Variants in GRIK2 observed in about 807,000 individuals in gnomAD.
The protein encoded by GRIK2 is glutamate receptor ionotropic, kainate 2.
A neutral mutation model predicts 100.3 loss-of-function variants in GRIK2; 32 were observed. The observed-to-expected ratio is 0.32, with a 90% confidence interval of 0.24 to 0.43. The LOEUF is 0.43. GRIK2 is among the 20% of genes least tolerant of loss of function. The pLI is 1.00. For missense variants in GRIK2, 843 were observed against 1,114.9 expected (o/e 0.76, Z 3.47); for synonymous variants, 417 against 389.4 (o/e 1.07, Z -0.83).
intron 2 of GRIK2, among the ~76,000 whole-genome samples, chr6:101,614,360 C>G (rs971772960): frequency 6.6e-6 from 1 of 151,634 alleles, no homozygotes; most frequent in Non-Finnish European, 1.5e-5. Context: ...AATAAACACT[C>G]ATAAGCACTT....
intron 2 of GRIK2, among the ~76,000 whole-genome samples, chr6:101,594,897 T>C (rs554279201): frequency 1.3e-4 from 19 of 151,680 alleles, no homozygotes; most frequent in African/African-American, 2.4e-5. Flanking sequence ...TTTTTTCTTA[T>C]GTTGTTTTAT....
At chr6:101,648,159 A>G (rs1781616704) in intron 4 of GRIK2, among the ~76,000 whole-genome samples, 1 of 152,062 alleles carries the variant, frequency 6.6e-6, no homozygotes. Context: ...GACTTGCAGT[A>G]AAGATATGCT....
At chr6:101,823,035 C>T (rs1366986191) in intron 10 of GRIK2, among the ~76,000 whole-genome samples, 1 of 152,118 alleles carries the variant, frequency 6.6e-6, no homozygotes, top group Non-Finnish European at 1.5e-5. Flanking sequence ...GATGTGCCTC[C>T]AAATATCTAA....
intron 11 of GRIK2, among the ~76,000 whole-genome samples, chr6:101,869,439 A>C (rs2128447548): frequency 6.6e-6 from 1 of 151,904 alleles, no homozygotes. Context: ...TTTCCTGATC[A>C]CATCTAATTG....
At chr6:101,857,308 AAAC>A (rs1206284813) in intron 10 of GRIK2, among the ~76,000 whole-genome samples, 1 of 152,208 alleles carries the variant, frequency 6.6e-6, no homozygotes. Flanking sequence ...TGAAGATACG[AAAC>A]AACGTGCCAA....
intron 3 of GRIK2, among the ~76,000 whole-genome samples, 169 bp from the exon 4 acceptor site, chr6:101,626,211 T>C (rs560641824): frequency 6.6e-6 from 1 of 152,270 alleles, no homozygotes; most frequent in African/African-American, 2.4e-5. Flanking sequence ...AAACGGAAAG[T>C]GTTCAGAGTC....
chr6:101,565,531 T>G (rs997337140), intron 2 of GRIK2, among the ~76,000 whole-genome samples: 2 of 152,126 alleles, frequency 1.3e-5, no homozygotes, highest in African/African-American at 4.8e-5. Context: ...ATGTATTCAC[T>G]CCACTTCCTT....
intron 14 of GRIK2, among the ~76,000 whole-genome samples, chr6:101,934,647 T>C (rs530274807): frequency 6.6e-6 from 1 of 152,048 alleles, no homozygotes; most frequent in African/African-American, 2.4e-5. Context: ...TAAAAACATA[T>C]ACTATTCATT....
At chr6:101,776,715 A>G (rs1778769596) in intron 7 of GRIK2, among the ~76,000 whole-genome samples, 1 of 152,188 alleles carries the variant, frequency 6.6e-6, no homozygotes, top group African/African-American at 2.4e-5. Context: ...TCAGTAACTT[A>G]TATGTACTCA....
chr6:101,845,621 A>T (rs1022190359), intron 10 of GRIK2, among the ~76,000 whole-genome samples: 1 of 152,206 alleles, frequency 6.6e-6, no homozygotes, highest in African/African-American at 2.4e-5. Flanking sequence ...TGCTATGCAC[A>T]TTGGTTCACA....
intron 2 of GRIK2, among the ~76,000 whole-genome samples, chr6:101,502,115 C>G (rs1224908216): frequency 1.3e-5 from 2 of 152,092 alleles, no homozygotes; most frequent in Admixed American, 1.3e-4. Context: ...GGAAATATTA[C>G]ACGCTTGTAA....
chr6:101,399,903 A>G (rs1775194725), intron 2 of GRIK2, among the ~76,000 whole-genome samples: 1 of 152,218 alleles, frequency 6.6e-6, no homozygotes, highest in Non-Finnish European at 1.5e-5. Flanking sequence ...CTTTTTCCAG[A>G]GAGCCTTTTC....
At chr6:102,026,843 G>T (rs1395832617) in intron 14 of GRIK2, among the ~76,000 whole-genome samples, 1 of 151,270 alleles carries the variant, frequency 6.6e-6, no homozygotes, top group East Asian at 2.0e-4. Context: ...ACTAACAACT[G>T]AATGCTTTTC....
chr6:101,430,166 G>A (rs1344934902), intron 2 of GRIK2, among the ~76,000 whole-genome samples: 6 of 152,172 alleles, frequency 3.9e-5, no homozygotes, highest in African/African-American at 1.4e-4. Context: ...CTGAGTGACC[G>A]AGTTACATGT....
chr6:101,961,480 G>A (rs186713597), intron 14 of GRIK2, among the ~76,000 whole-genome samples: 1 of 152,224 alleles, frequency 6.6e-6, no homozygotes, highest in East Asian at 1.9e-4. Flanking sequence ...ACAGCTAGCT[G>A]CAGCTGCATC....
intron 10 of GRIK2, among the ~76,000 whole-genome samples, chr6:101,845,160 C>T (rs1783737287): frequency 6.6e-6 from 1 of 152,070 alleles, no homozygotes; most frequent in Non-Finnish European, 1.5e-5. Context: ...GCTAGGACTG[C>T]AAGCACACAC....
chr6:101,927,039 C>T (rs1046094931), intron 13 of GRIK2, among the ~76,000 whole-genome samples: 3 of 151,976 alleles, frequency 2.0e-5, no homozygotes, highest in African/African-American at 7.2e-5. Flanking sequence ...TCTGACAGGG[C>T]CTAGGAGCAA....
At chr6:101,791,982 G>A (rs1439390344) in intron 7 of GRIK2, among the ~76,000 whole-genome samples, 2 of 151,818 alleles carry the variant, frequency 1.3e-5, no homozygotes, top group African/African-American at 2.4e-5. Flanking sequence ...TGTCTCTTTT[G>A]ATCTTTGTTG....
At chr6:101,454,192 G>A (rs974537588) in intron 2 of GRIK2, among the ~76,000 whole-genome samples, 3 of 151,938 alleles carry the variant, frequency 2.0e-5, no homozygotes, top group Non-Finnish European at 4.4e-5. Flanking sequence ...CTGACCATTT[G>A]GAGCATCTGA....
Sources: gnomAD v4.1 joint callset for allele counts (sites outside exome capture counted in the v4.1 genomes callset) on GRCh38, gnomAD v4.1.1 for gene constraint, MANE v1.5 for transcripts, NCBI Gene and HGNC (gene_info 2026-07-23, HGNC 2026-07-21) for gene names.